ADAMTSL1: variants seen among roughly 807,000 people sequenced by gnomAD.
ADAMTSL1 encodes ADAMTS-like protein 1.
A neutral mutation model predicts 201.8 loss-of-function variants in ADAMTSL1; 126 were observed. The ratio of observed to expected loss-of-function variants is 0.62; its 90% CI spans 0.54 to 0.72. The LOEUF (loss-of-function observed/expected upper bound fraction) is 0.72, where lower values mean the gene tolerates loss of function less well. Ranked by LOEUF, ADAMTSL1 falls within the 30% of genes least tolerant of loss-of-function variation. The pLI is 0.00. For synonymous variants in ADAMTSL1, 1,121 were observed against 903.4 expected, an observed-to-expected ratio of 1.24 and a Z score of -4.32; for missense variants, 2,679 against 2,277.8, an observed-to-expected ratio of 1.18 and a Z score of -3.59.
intron 7 of ADAMTSL1, among the ~76,000 whole-genome samples, chr9:18,656,501 C>T (rs1376586984): frequency 6.6e-6 from 1 of 151,670 alleles, no homozygotes; most frequent in Non-Finnish European, 1.5e-5. Context: ...TGGTGGCAGG[C>T]GTCTGTAGTC....
At chr9:18,371,231 G>C (rs186784195) in intron 2 of ADAMTSL1, among the ~76,000 whole-genome samples, 1 of 151,968 alleles carries the variant, frequency 6.6e-6, no homozygotes, top group Non-Finnish European at 1.5e-5. Context: ...ACTCTGACCT[G>C]GTTTAAAGAT....
chr9:18,069,973 T>C (rs917474082), intron 1 of ADAMTSL1, among the ~76,000 whole-genome samples: 1 of 152,318 alleles, frequency 6.6e-6, no homozygotes. Flanking sequence ...TTTCAGAACT[T>C]GTCATGGGGA....
intron 2 of ADAMTSL1, among the ~76,000 whole-genome samples, chr9:18,337,799 GTA>G (rs1480144034): frequency 6.6e-6 from 1 of 152,144 alleles, no homozygotes; most frequent in East Asian, 1.9e-4. Flanking sequence ...CACTGTGATT[GTA>G]TCTTCAAAGA....
At chr9:18,357,787 A>G (rs1179140703) in intron 2 of ADAMTSL1, among the ~76,000 whole-genome samples, 1 of 152,086 alleles carries the variant, frequency 6.6e-6, no homozygotes, top group Non-Finnish European at 1.5e-5. Context: ...GAAAATGAAG[A>G]CCTGTCATTT....
At chr9:18,311,559 C>T (rs1006132691) in intron 2 of ADAMTSL1, among the ~76,000 whole-genome samples, 5 of 152,018 alleles carry the variant, frequency 3.3e-5, no homozygotes, top group Non-Finnish European at 7.4e-5. Flanking sequence ...TAGGTGCTTC[C>T]CTAGGCCTGA....
chr9:18,551,813 C>T (rs977146979), intron 3 of ADAMTSL1, among the ~76,000 whole-genome samples: 28 of 151,806 alleles, frequency 1.8e-4, no homozygotes, highest in Admixed American at 1.6e-3. Context: ...TGTTATTTCT[C>T]TTTCTTCTCG....
chr9:18,190,288 G>A lies in ADAMTSL1; in HGVS notation c.207+26307G>A, dbSNP rs569735581. On this transcript the variant is annotated intron_variant, in intron 2 of 29. Coordinates refer to the ADAMTSL1 transcript ENST00000680146. ...TGTGTGTGTGTATTTTAAGTGGAATGTTATATGAATGAGTTACGCTTGTCC... is the reference window on the plus strand; with the variant it reads ...TGTGTGTGTGTATTTTAAGTGGAATATTATATGAATGAGTTACGCTTGTCC... Among the ~76,000 whole-genome samples the A allele has an allele frequency of 2.0e-5, 3 of 152,260 alleles. No homozygotes were observed. The South Asian group carries it at 6.2e-4, about 32-fold the overall frequency.
chr9:18,555,517 C>T (rs1281957998), intron 3 of ADAMTSL1, among the ~76,000 whole-genome samples: 1 of 151,936 alleles, frequency 6.6e-6, no homozygotes, highest in African/African-American at 2.4e-5. Context: ...TGTTATTTAG[C>T]ATTCATTTTG....
At chr9:18,448,386 C>T (rs1347640709) in intron 2 of ADAMTSL1, among the ~76,000 whole-genome samples, 1 of 152,016 alleles carries the variant, frequency 6.6e-6, no homozygotes, top group Non-Finnish European at 1.5e-5. Flanking sequence ...GAAACTAGGA[C>T]AATGAGATCA....
chr9:18,383,368 A>G (rs555024048), intron 2 of ADAMTSL1, among the ~76,000 whole-genome samples: 1 of 152,116 alleles, frequency 6.6e-6, no homozygotes, highest in African/African-American at 2.4e-5. Flanking sequence ...TATATGTTTA[A>G]GGCATTTGAG....
chr9:18,607,111 A>T (rs1825070575), intron 4 of ADAMTSL1, among the ~76,000 whole-genome samples: 1 of 152,218 alleles, frequency 6.6e-6, no homozygotes. Context: ...GTTGGAAATC[A>T]TCTGACAACT....
chr9:18,228,127 G>A (rs992007978), intron 2 of ADAMTSL1, among the ~76,000 whole-genome samples: 1 of 152,140 alleles, frequency 6.6e-6, no homozygotes, highest in Non-Finnish European at 1.5e-5. Context: ...ATTTATTTAC[G>A]AAGTCATTGG....
intron 8 of ADAMTSL1, among the ~76,000 whole-genome samples, chr9:18,658,538 T>C (rs1828864549): frequency 6.6e-6 from 1 of 152,166 alleles, no homozygotes; most frequent in Non-Finnish European, 1.5e-5. Flanking sequence ...CTCCACCCCA[T>C]CATCCATGCA....
chr9:17,912,758 G>A (rs1588402980), intron 1 of ADAMTSL1, among the ~76,000 whole-genome samples: 2 of 69,484 alleles, frequency 2.9e-5, no homozygotes, highest in African/African-American at 5.8e-5. Context: ...TGAAGTCTTT[G>A]CCCATGCCTA....
intron 2 of ADAMTSL1, among the ~76,000 whole-genome samples, chr9:18,172,424 C>CA (rs1369612395): frequency 6.6e-6 from 1 of 151,994 alleles, no homozygotes; most frequent in East Asian, 1.9e-4. Flanking sequence ...ATTAAAATAA[C>CA]AGAAATAGCA....
At chr9:18,545,825 G>T (rs567420983) in intron 3 of ADAMTSL1, among the ~76,000 whole-genome samples, 35 of 152,294 alleles carry the variant, frequency 2.3e-4, no homozygotes, top group Non-Finnish European at 4.0e-4. Flanking sequence ...AGGCCCTACG[G>T]AATGAAACCA....
At chr9:18,269,321 A>G (rs568557505) in intron 2 of ADAMTSL1, among the ~76,000 whole-genome samples, 15 of 152,292 alleles carry the variant, frequency 9.8e-5, no homozygotes, top group African/African-American at 3.4e-4. Flanking sequence ...TCTCTGCATC[A>G]TAAGTGCTTA....
chr9:18,032,108 G>A (rs868071463), intron 1 of ADAMTSL1, among the ~76,000 whole-genome samples: 2 of 152,142 alleles, frequency 1.3e-5, no homozygotes, highest in African/African-American at 2.4e-5. Context: ...GCTCTTCCAC[G>A]TGTTCAGGGC....
chr9:18,179,378 A>T (rs151207749), intron 2 of ADAMTSL1, among the ~76,000 whole-genome samples: 3,198 of 152,322 alleles, frequency 0.021, 118 homozygotes, highest in African/African-American at 0.073. Flanking sequence ...GGACTACGTG[A>T]AAAGACCAAA....
Sources: gnomAD v4.1 joint callset for allele counts (sites outside exome capture counted in the v4.1 genomes callset) on GRCh38, gnomAD v4.1.1 for gene constraint, MANE v1.5 for transcripts, NCBI Gene and HGNC (gene_info 2026-07-23, HGNC 2026-07-21) for gene names.